TMEFF2: variants seen among roughly 807,000 people sequenced by gnomAD.
TMEFF2 encodes the protein transmembrane protein with EGF like and two follistatin like domains 2, also known as tomoregulin-2.
TMEFF2 carries 28 observed loss-of-function variants against 53.8 expected under a neutral mutation model. The observed-to-expected ratio is 0.52, with a 90% CI of 0.39 to 0.71. The LOEUF (loss-of-function observed/expected upper bound fraction) is 0.71. Ranked by LOEUF, TMEFF2 falls within the 30% of genes least tolerant of loss-of-function variation. TMEFF2 has a pLI of 0.00. For synonymous variants in TMEFF2, 162 were observed against 166.3 expected, an observed-to-expected ratio of 0.97 and a Z score of 0.20; for missense variants, 353 against 455.2, an observed-to-expected ratio of 0.78 and a Z score of 2.04.
chr2:191,954,128 C>A (rs559988100), intron 8 of TMEFF2, among the ~76,000 whole-genome samples: 1 of 152,150 alleles, frequency 6.6e-6, no homozygotes, highest in African/African-American at 2.4e-5. Flanking sequence ...ACCTCGTGAT[C>A]CGCCCACCTC....
At chr2:192,111,289 T>C (rs1484882923) in intron 4 of TMEFF2, among the ~76,000 whole-genome samples, 5 of 152,186 alleles carry the variant, frequency 3.3e-5, no homozygotes, top group Admixed American at 3.3e-4. Context: ...ATCAAAATGC[T>C]GATAATGATG....
intron 7 of TMEFF2, among the ~76,000 whole-genome samples, chr2:191,979,654 T>C (rs1218773194): frequency 1.3e-5 from 2 of 152,080 alleles, no homozygotes; most frequent in Non-Finnish European, 2.9e-5. Context: ...TTTTCCCCTC[T>C]CAGTAAACAG....
chr2:191,953,702 A>G lies in TMEFF2; in HGVS notation c.1005T>C (p.Cys335=). 1.2e-6 allele frequency: 2 copies of G among 1,614,044 alleles called. No homozygotes were observed. The highest frequency in any genetic ancestry group is 1.7e-6 in the Non-Finnish European group (2 of 1,179,962). ...ACCTTGTGATGCAGAGGACCACCAC[A>G]CAGATGACAGCAATCTGAATTGTTC... ...VIGTIQIAVI[C]VVVLCITRKC... Residue 335 remains cysteine, a synonymous_variant, in exon 9 of 10, where the codon TGT becomes TGC. Transcript: ENST00000272771.
intron 5 of TMEFF2, among the ~76,000 whole-genome samples, chr2:192,057,332 T>C (rs547994948): frequency 8.9e-4 from 136 of 152,280 alleles, no homozygotes; most frequent in African/African-American, 3.1e-3. Flanking sequence ...ACAGGCCTGC[T>C]GGGAGTACAG....
At chr2:192,097,538 C>G (rs1276013264) in intron 4 of TMEFF2, among the ~76,000 whole-genome samples, 2 of 152,184 alleles carry the variant, frequency 1.3e-5, no homozygotes, top group Non-Finnish European at 2.9e-5. Flanking sequence ...ATACACTCTT[C>G]TCTCAGAGAA....
intron 4 of TMEFF2, among the ~76,000 whole-genome samples, chr2:192,152,896 T>C (rs2106002469): frequency 6.6e-6 from 1 of 151,852 alleles, no homozygotes; most frequent in East Asian, 1.9e-4. Flanking sequence ...AAAACCCTAC[T>C]TTAGTGGATT....
At chr2:192,131,645 C>G (rs1474758587) in intron 4 of TMEFF2, among the ~76,000 whole-genome samples, 1 of 152,114 alleles carries the variant, frequency 6.6e-6, no homozygotes, top group Non-Finnish European at 1.5e-5. Flanking sequence ...ACCCCCATCC[C>G]TTCTCCGTGT....
At chr2:192,073,572 C>T (rs572627418) in intron 4 of TMEFF2, among the ~76,000 whole-genome samples, 218 of 151,744 alleles carry the variant, frequency 1.4e-3, no homozygotes, top group African/African-American at 4.1e-3. Context: ...ATTCTTGGTG[C>T]GTAGAAATGT....
intron 5 of TMEFF2, among the ~76,000 whole-genome samples, chr2:192,006,515 A>G (rs1357234436): frequency 1.3e-5 from 2 of 152,160 alleles, no homozygotes; most frequent in Non-Finnish European, 1.5e-5. Context: ...GGAACTTGGT[A>G]TTAGACCTCT....
At chr2:192,170,457 T>C (rs1574432564) in intron 4 of TMEFF2, among the ~76,000 whole-genome samples, 1 of 151,964 alleles carries the variant, frequency 6.6e-6, no homozygotes, top group East Asian at 1.9e-4. Context: ...TAGAAATGGG[T>C]TCCCTCTCCA....
chr2:191,982,387 A>G (rs1685874137), intron 7 of TMEFF2, among the ~76,000 whole-genome samples: 1 of 152,132 alleles, frequency 6.6e-6, no homozygotes, highest in South Asian at 2.1e-4. Context: ...AGCAACAACT[A>G]GAACCAAGGG....
chr2:192,055,355 A>C (rs1687876725), intron 5 of TMEFF2, among the ~76,000 whole-genome samples: 1 of 152,184 alleles, frequency 6.6e-6, no homozygotes, highest in South Asian at 2.1e-4. Context: ...CTGATTCATT[A>C]ATTTTGGGGC....
chr2:192,179,479 T>C (rs191591976), intron 4 of TMEFF2, 189 bp downstream of exon 4: 26 of 452,928 alleles, frequency 5.7e-5, no homozygotes, highest in African/African-American at 4.7e-4. Flanking sequence ...GTATGATTCA[T>C]AAGTATGCCA....
chr2:192,005,156 T>C lies in TMEFF2; in HGVS notation c.537-5948A>G, dbSNP rs371565013. On this transcript the variant is annotated intron_variant, in intron 5 of 9. Coordinates refer to ENST00000272771, the MANE Select transcript of TMEFF2 (RefSeq NM_016192.4). ...AACCTTAGCTCTCTGAATTATAAGA[T>C]AGAAGAGAAATAGGAAATAATTTTT... 3.3e-3 allele frequency among the ~76,000 whole-genome samples: 495 copies of C among 152,282 alleles called. 8 individuals are homozygous for C. The highest frequency in any genetic ancestry group is 0.026 in the South Asian group (124 of 4,828).
At chr2:191,975,696 C>T (rs1030707119) in intron 7 of TMEFF2, among the ~76,000 whole-genome samples, 17 of 152,210 alleles carry the variant, frequency 1.1e-4, no homozygotes, top group South Asian at 4.2e-4. Context: ...CTTTTGAGGG[C>T]GCTGCCAGGC....
At chr2:192,142,142 A>G (rs762561990) in intron 4 of TMEFF2, among the ~76,000 whole-genome samples, 1 of 152,108 alleles carries the variant, frequency 6.6e-6, no homozygotes, top group Admixed American at 6.6e-5. Flanking sequence ...TAGGATCAAA[A>G]TGAGATCTTA....
intron 5 of TMEFF2, among the ~76,000 whole-genome samples, chr2:192,009,911 A>C (rs1686586315): frequency 6.6e-6 from 1 of 152,188 alleles, no homozygotes; most frequent in African/African-American, 2.4e-5. Flanking sequence ...TAAAAATATT[A>C]GTTTTGACAT....
At chr2:192,042,365 T>C (rs1330658195) in intron 5 of TMEFF2, among the ~76,000 whole-genome samples, 1 of 152,160 alleles carries the variant, frequency 6.6e-6, no homozygotes, top group East Asian at 1.9e-4. Context: ...TCACACACTT[T>C]TAATTTATGA....
chr2:191,972,899 T>C (rs1253319344), intron 7 of TMEFF2, among the ~76,000 whole-genome samples: 2 of 152,172 alleles, frequency 1.3e-5, no homozygotes, highest in East Asian at 1.9e-4. Flanking sequence ...TACAGTAGAA[T>C]TGATGTTAAC....
Sources: gnomAD v4.1 joint callset for allele counts (sites outside exome capture counted in the v4.1 genomes callset) on GRCh38, gnomAD v4.1.1 for gene constraint, MANE v1.5 for transcripts, NCBI Gene and HGNC (gene_info 2026-07-23, HGNC 2026-07-21) for gene names.